Variants in C16orf87 observed in about 807,000 individuals in gnomAD.
C16orf87 encodes HDAC and MIER1 interacting protein 1.
A neutral mutation model predicts 21.0 loss-of-function variants in C16orf87; 13 were observed. The ratio of observed to expected loss-of-function variants is 0.62; its 90% CI spans 0.40 to 0.98. The LOEUF (loss-of-function observed/expected upper bound fraction) is 0.98, where lower values mean the gene tolerates loss of function less well. Ranked by LOEUF, C16orf87 falls within the 50% of genes least tolerant of loss-of-function variation. The pLI, the probability that C16orf87 is intolerant of heterozygous loss-of-function variation, is 0.00. For missense variants in C16orf87, 113 were observed against 180.4 expected (o/e 0.63, Z 2.14); for synonymous variants, 49 against 60.2 (o/e 0.81, Z 0.86).
intron 3 of C16orf87, among the ~76,000 whole-genome samples, chr16:46,805,713 C>T (rs927216463): frequency 3.3e-5 from 5 of 152,326 alleles, no homozygotes; most frequent in East Asian, 1.9e-4. Context: ...CATACACATA[C>T]GTGGAGCTTG....
At position 46,802,945 on chromosome 16, in the gene C16orf87, ACAAGTAT is replaced by A; in HGVS notation, c.465_*6del. 1 of 1,375,244 alleles carries A rather than the reference ACAAGTAT, an allele frequency of 7.3e-7. No individual in the cohort carries two copies. The highest frequency in any genetic ancestry group is 1.0e-6 in the Non-Finnish European group (1 of 968,912). 85.2% of individuals were successfully genotyped at this position (1,375,244 alleles called of 1,614,324 possible). A position where few individuals can be genotyped will look rare whatever the true frequency, so the allele number is the denominator to read the frequency against. ...ACAGAAGTTTCAGCAGATTTTGCAA[ACAAGTAT>A]CAGAGAATAAGTCTTTGATTGATAA... On this transcript the variant is annotated stop_lost and 3_prime_UTR_variant, in exon 4 of 4. Transcript: ENST00000285697.
chr16:46,798,755 A>G lies in C16orf87; in HGVS notation c.*4197T>C, dbSNP rs562274428. 6.6e-6 allele frequency: 1 copy of G among 152,488 alleles called. No individual in the cohort carries two copies. The highest frequency in any genetic ancestry group is 2.4e-5 in the African/African-American group (1 of 41,560). 9.4% of individuals were successfully genotyped at this position (152,488 alleles called of 1,614,324 possible). On this transcript the variant is annotated 3_prime_UTR_variant, in exon 4 of 4. Coordinates refer to ENST00000285697, the MANE Select transcript of C16orf87 (RefSeq NM_001001436.4). The stretch of plus-strand genomic sequence containing the variant: ...TGAGACTCCGTGTCAAAAAAAAAAG[A>G]AAAGAAAAGCTATCAGTATGTTTCA...
intron 3 of C16orf87, among the ~76,000 whole-genome samples, chr16:46,807,740 A>G (rs1967971372): frequency 6.6e-6 from 1 of 152,256 alleles, no homozygotes; most frequent in African/African-American, 2.4e-5. Flanking sequence ...ATTTGTATCA[A>G]AAACAAAAAA....
chr16:46,823,012 T>G (rs1346608750), intron 2 of C16orf87, among the ~76,000 whole-genome samples: 4 of 152,238 alleles, frequency 2.6e-5, no homozygotes, highest in Admixed American at 2.6e-4. Context: ...TCCTAAAATA[T>G]AAAAAATGTT....
At chr16:46,806,539 G>A (rs904183167) in intron 3 of C16orf87, among the ~76,000 whole-genome samples, 4 of 152,078 alleles carry the variant, frequency 2.6e-5, no homozygotes, top group Non-Finnish European at 5.9e-5. Context: ...GATTACAGGC[G>A]TGAGCCACCA....
rs926020074 is a variant in C16orf87, at chr16:46,799,671, A to C, written c.*3281T>G. ...ATCAAACAAATTCAATACTTTTTTC[A>C]CACAGGGTGTTTCTTGCTCTGCCTC... On this transcript the variant is annotated 3_prime_UTR_variant, in exon 4 of 4. Coordinates refer to ENST00000285697, the MANE Select transcript of C16orf87 (RefSeq NM_001001436.4). 6.6e-6 allele frequency: 1 copy of C among 152,196 alleles called. No individual in the cohort carries two copies. The highest frequency in any genetic ancestry group is 2.4e-5 in the African/African-American group (1 of 41,456). The allele number at this position is 152,196 out of a possible 1,614,324, so 9.4% of individuals were successfully genotyped here. A position where few individuals can be genotyped will look rare whatever the true frequency, so the allele number is the denominator to read the frequency against.
chr16:46,817,038 T>C (rs1299900777), intron 2 of C16orf87, among the ~76,000 whole-genome samples: 2 of 152,176 alleles, frequency 1.3e-5, no homozygotes, highest in Non-Finnish European at 2.9e-5. Context: ...CCTATCTTTA[T>C]CCTTCTTCCA....
rs1244884738 is a variant in C16orf87 at position 46,800,258 on chromosome 16, T to A, written c.*2694A>T. 1 of 152,120 alleles carries A rather than the reference T, an allele frequency of 6.6e-6. No homozygotes were observed. The highest frequency in any genetic ancestry group is 2.4e-5 in the African/African-American group (1 of 41,450). 9.4% of individuals were successfully genotyped at this position (152,120 alleles called of 1,614,324 possible). A position where few individuals can be genotyped will look rare whatever the true frequency, so the allele number is the denominator to read the frequency against. ...TAAATTTTCAGGTCATTTGCAATTT[T>A]AAATTTTCTCATCATAAACTGCTTC... On this transcript the variant is annotated 3_prime_UTR_variant, in exon 4 of 4. Transcript: ENST00000285697.
chr16:46,826,392 G>A (rs766230393), intron 1 of C16orf87, among the ~76,000 whole-genome samples: 30 of 152,120 alleles, frequency 2.0e-4, no homozygotes, highest in Non-Finnish European at 3.8e-4. Context: ...CCCCCATTTG[G>A]CAGTTGTTCT....
rs1967727725 is a variant in C16orf87 at position 46,800,097 on chromosome 16, T to C, written c.*2855A>G. ...AATTACTAGAGTTAAAGAAGTCAAA[T>C]ACTTTTCAATTTGAAATCTTATCTG... On this transcript the variant is annotated 3_prime_UTR_variant, in exon 4 of 4. Coordinates refer to ENST00000285697, the MANE Select transcript of C16orf87 (RefSeq NM_001001436.4). The C allele has an allele frequency of 6.6e-6, 1 of 152,134 alleles. No homozygotes were observed. Among genetic ancestry groups the C allele is most frequent in the Admixed American group, 6.5e-5 (1 of 15,280 alleles). 9.4% of individuals were successfully genotyped at this position (152,134 alleles called of 1,614,324 possible).
chr16:46,827,899 G>GA (rs749406369), intron 1 of C16orf87, among the ~76,000 whole-genome samples: 1,747 of 127,846 alleles, frequency 0.014, 14 homozygotes, highest in Non-Finnish European at 0.019. Flanking sequence ...TTTTAAATCT[G>GA]AAAAAAAAAA....
rs1284127444 is a variant in C16orf87 at position 46,798,008 on chromosome 16, T to C, written c.*4944A>G. ...TGGGAAATTTATAGCATTAAATGCT[T>C]TTTTTAGAAAAGCACAAAAAGCCTT... is the stretch of plus-strand genomic sequence containing the variant. On this transcript the variant is annotated 3_prime_UTR_variant, in exon 4 of 4. Transcript: ENST00000285697. The C allele has an allele frequency of 1.3e-5, 2 of 152,042 alleles. No individual in the cohort carries two copies. Among genetic ancestry groups the C allele is most frequent in the East Asian group, 1.9e-4 (1 of 5,196 alleles). The allele number at this position is 152,042 out of a possible 1,614,324, so 9.4% of individuals were successfully genotyped here.
At chr16:46,828,180 G>A (rs1047542745) in intron 1 of C16orf87, among the ~76,000 whole-genome samples, 35 of 151,946 alleles carry the variant, frequency 2.3e-4, no homozygotes, top group Non-Finnish European at 3.2e-4. Flanking sequence ...CACCTGCCTC[G>A]GCCTCCCAAA....
chr16:46,805,820 C>A (rs753767242), intron 3 of C16orf87, among the ~76,000 whole-genome samples: 29 of 152,148 alleles, frequency 1.9e-4, no homozygotes, highest in South Asian at 8.3e-4. Flanking sequence ...TTGGGTCCTT[C>A]GGATTCTCTA....
chr16:46,816,560 G>A (rs1458880085), intron 2 of C16orf87, among the ~76,000 whole-genome samples: 3 of 151,960 alleles, frequency 2.0e-5, no homozygotes, highest in African/African-American at 7.3e-5. Flanking sequence ...AAAGCAAAAA[G>A]ACAAAAAGAG....
intron 3 of C16orf87, among the ~76,000 whole-genome samples, chr16:46,803,422 T>G (rs1435266246): frequency 6.6e-6 from 1 of 152,234 alleles, no homozygotes; most frequent in African/African-American, 2.4e-5. Context: ...ACATCAATGG[T>G]GACTTTATGA....
At chr16:46,817,151 G>C (rs370659297) in intron 2 of C16orf87, among the ~76,000 whole-genome samples, 2 of 152,102 alleles carry the variant, frequency 1.3e-5, no homozygotes, top group East Asian at 3.9e-4. Context: ...AGCAATAATG[G>C]ATAGAAACCA....
intron 3 of C16orf87, among the ~76,000 whole-genome samples, chr16:46,808,773 A>G (rs1219034777): frequency 6.6e-6 from 1 of 152,130 alleles, no homozygotes; most frequent in African/African-American, 2.4e-5. Flanking sequence ...TGAAGTTTTA[A>G]TGTCTAAAAA....
intron 2 of C16orf87, among the ~76,000 whole-genome samples, chr16:46,820,460 T>C (rs1413035369): frequency 1.3e-5 from 2 of 152,218 alleles, no homozygotes; most frequent in South Asian, 2.1e-4. Flanking sequence ...TATCCAAGTA[T>C]TGTTTTGCAG....
Sources: allele counts gnomAD v4.1 joint callset (sites outside exome capture counted in the v4.1 genomes callset), GRCh38; gene constraint gnomAD v4.1.1; transcripts MANE v1.5; gene names NCBI Gene and HGNC (gene_info 2026-07-23, HGNC 2026-07-21).